HS2ST1: variants seen among roughly 807,000 people sequenced by gnomAD.
HS2ST1 encodes the protein heparan sulfate 2-O-sulfotransferase 1.
A neutral mutation model predicts 42.9 loss-of-function variants in HS2ST1; 18 were observed. The ratio of observed to expected loss-of-function variants is 0.42; its 90% CI spans 0.29 to 0.62. The LOEUF (loss-of-function observed/expected upper bound fraction) is 0.62, where lower values mean the gene tolerates loss of function less well. HS2ST1 is among the 20% of genes least tolerant of loss of function. The pLI is 0.21. For synonymous variants in HS2ST1, 146 were observed against 152.9 expected (o/e 0.95, Z 0.33); for missense variants, 334 against 433.8 (o/e 0.77, Z 2.04).
At chr1:86,973,392 A>G (rs1280324145) in intron 1 of HS2ST1, among the ~76,000 whole-genome samples, 2 of 152,100 alleles carry the variant, frequency 1.3e-5, no homozygotes, top group Non-Finnish European at 2.9e-5. Context: ...AATGAACAAG[A>G]TGTAAATCTT....
At position 87,105,580 on chromosome 1, in the gene HS2ST1, C is replaced by T. The variant is rs1469211783; in HGVS notation, c.*884C>T. ...TTTCCTACTTCTTCTGTACTTTTAC[C>T]TGTAGACTATTTTTACTAAGGTGCT... On this transcript the variant is annotated 3_prime_UTR_variant, in exon 7 of 7. Coordinates refer to ENST00000370550, the MANE Select transcript of HS2ST1 (RefSeq NM_012262.4). 2.0e-5 allele frequency: 3 copies of T among 152,420 alleles called. No individual in the cohort carries two copies. Among genetic ancestry groups the T allele is most frequent in the Non-Finnish European group, 4.4e-5 (3 of 67,934 alleles). The allele number at this position is 152,420 out of a possible 1,614,324, so 9.4% of individuals were successfully genotyped here.
intron 1 of HS2ST1, among the ~76,000 whole-genome samples, chr1:86,937,304 A>T (rs1211452681): frequency 2.0e-5 from 3 of 152,190 alleles, no homozygotes; most frequent in Non-Finnish European, 4.4e-5. Context: ...CCCTATTGAG[A>T]ACCTAAATAT....
intron 1 of HS2ST1, among the ~76,000 whole-genome samples, chr1:86,954,955 A>T (rs946194185): frequency 6.6e-6 from 1 of 152,084 alleles, no homozygotes; most frequent in African/African-American, 2.4e-5. Context: ...AAAATTAGCC[A>T]GGTGTGGTGG....
At chr1:87,042,588 T>C (rs1378078317) in intron 1 of HS2ST1, among the ~76,000 whole-genome samples, 2 of 152,138 alleles carry the variant, frequency 1.3e-5, no homozygotes, top group East Asian at 1.9e-4. Context: ...ATACCTTCAC[T>C]GTGCTAACTA....
chr1:86,921,091 TAAA>T (rs1553130045), intron 1 of HS2ST1, among the ~76,000 whole-genome samples: 1 of 151,622 alleles, frequency 6.6e-6, no homozygotes, highest in African/African-American at 2.4e-5. Context: ...CAATTACAAA[TAAA>T]AAAAAACTAT....
intron 2 of HS2ST1, among the ~76,000 whole-genome samples, chr1:87,081,465 A>C (rs1651686742): frequency 1.3e-5 from 2 of 152,252 alleles, no homozygotes; most frequent in African/African-American, 4.8e-5. Context: ...ATTAAGAAGG[A>C]AATTTAACAA....
intron 1 of HS2ST1, among the ~76,000 whole-genome samples, chr1:86,974,395 C>G (rs943845084): frequency 6.6e-6 from 1 of 152,178 alleles, no homozygotes; most frequent in Non-Finnish European, 1.5e-5. Flanking sequence ...CCTCCTCTAC[C>G]TTGCCTTACA....
intron 1 of HS2ST1, among the ~76,000 whole-genome samples, chr1:87,053,397 T>C (rs1484691018): frequency 1.3e-5 from 2 of 152,326 alleles, no homozygotes; most frequent in East Asian, 1.9e-4. Context: ...CAGTTTAATA[T>C]CAAAATTAAT....
At chr1:87,059,153 C>G (rs1651052895) in intron 1 of HS2ST1, among the ~76,000 whole-genome samples, 1 of 152,198 alleles carries the variant, frequency 6.6e-6, no homozygotes, top group Admixed American at 6.5e-5. Flanking sequence ...AATTATATAC[C>G]TATTGGCACA....
At chr1:87,023,078 T>G (rs534501898) in intron 1 of HS2ST1, among the ~76,000 whole-genome samples, 56 of 152,344 alleles carry the variant, frequency 3.7e-4, no homozygotes, top group African/African-American at 1.3e-3. Flanking sequence ...ATTTGTGTTA[T>G]GTCCAAATTG....
Position 86,985,471 on chromosome 1 carries a change from T to C in HS2ST1, c.124+70311T>C, listed in dbSNP as rs1479757906. ...ATATATACACACATATATACACATA[T>C]ATACACATATATACACATATATATA... On this transcript the variant is annotated intron_variant, in intron 1 of 6. Transcript: ENST00000370550. Among the ~76,000 whole-genome samples, 35 of 74,802 alleles carry C rather than the reference T, an allele frequency of 4.7e-4. 1 individual carries two copies. The highest frequency in any genetic ancestry group is 1.4e-3 in the East Asian group (2 of 1,394). The allele number at this position is 74,802 out of a possible 152,430, so 49.1% of individuals were successfully genotyped here.
intron 1 of HS2ST1, among the ~76,000 whole-genome samples, chr1:86,974,565 G>C (rs1321154332): frequency 6.6e-6 from 1 of 152,208 alleles, no homozygotes; most frequent in Non-Finnish European, 1.5e-5. Flanking sequence ...CCAAACAGAA[G>C]TTTGTGAATA....
At chr1:87,069,635 T>C (rs1268105324) in intron 1 of HS2ST1, among the ~76,000 whole-genome samples, 7 of 152,226 alleles carry the variant, frequency 4.6e-5, no homozygotes, top group Admixed American at 3.9e-4. Context: ...TATCTTTTTA[T>C]GTAGTTTTAG....
rs201591699 is a variant in HS2ST1, at chr1:86,933,884, C to T, written c.124+18724C>T. On this transcript the variant is annotated intron_variant, in intron 1 of 6. Coordinates refer to ENST00000370550, the MANE Select transcript of HS2ST1 (RefSeq NM_012262.4). The stretch of plus-strand genomic sequence containing the variant: ...CCTCTCGTGTAACTGCTTTTGTCTC[C>T]TTTGTTGTCTTTGGGTTTCCCTAAT... Among the ~76,000 whole-genome samples the T allele has an allele frequency of 1.5e-4, 23 of 152,160 alleles. No homozygotes were observed. The East Asian group carries it at 3.5e-3, about 23-fold the overall frequency.
chr1:87,062,819 T>A (rs970255243), intron 1 of HS2ST1, among the ~76,000 whole-genome samples: 1 of 152,194 alleles, frequency 6.6e-6, no homozygotes, highest in African/African-American at 2.4e-5. Flanking sequence ...GATTATTTTA[T>A]TTCAGCACTT....
chr1:87,057,352 C>G (rs958518509), intron 1 of HS2ST1, among the ~76,000 whole-genome samples: 5 of 152,098 alleles, frequency 3.3e-5, no homozygotes, highest in African/African-American at 1.2e-4. Context: ...GGATATGGTT[C>G]ATATTCCTAA....
intron 1 of HS2ST1, among the ~76,000 whole-genome samples, chr1:87,040,491 T>A (rs967769186): frequency 2.6e-5 from 4 of 152,148 alleles, no homozygotes; most frequent in Non-Finnish European, 5.9e-5. Flanking sequence ...CTGACTGGGT[T>A]TTGCAGGGAG....
chr1:87,018,048 A>T (rs74097514), intron 1 of HS2ST1, among the ~76,000 whole-genome samples: 8 of 152,186 alleles, frequency 5.3e-5, no homozygotes, highest in Non-Finnish European at 1.0e-4. Context: ...AAGGTAAAAC[A>T]TAGCAGTTTG....
intron 1 of HS2ST1, chr1:87,046,528 T>A: frequency 6.5e-7 from 1 of 1,534,892 alleles, no homozygotes; most frequent in Admixed American, 1.7e-5. Flanking sequence ...CCAAGCTTTT[T>A]AAAGATGACA....
Sources: allele counts gnomAD v4.1 joint callset (sites outside exome capture counted in the v4.1 genomes callset), GRCh38; gene constraint gnomAD v4.1.1; transcripts MANE v1.5; gene names NCBI Gene and HGNC (gene_info 2026-07-23, HGNC 2026-07-21).